Variants in MSRA observed in about 807,000 individuals in gnomAD.
MSRA encodes the protein methionine sulfoxide reductase A.
Under a neutral mutation model 31.3 loss-of-function variants are expected in MSRA, and 54 were observed. The ratio of observed to expected loss-of-function variants is 1.73; its 90% CI spans 1.39 to 2.17. The LOEUF is 2.17. Among genes scored for constraint, MSRA ranks in the 30% most tolerant of loss-of-function variants. The pLI is 0.00. For missense variants in MSRA, 507 were observed against 300.9 expected, an observed-to-expected ratio of 1.69 and a Z score of -5.07; for synonymous variants, 169 against 116.5, an observed-to-expected ratio of 1.45 and a Z score of -2.90.
intron 1 of MSRA, among the ~76,000 whole-genome samples, chr8:10,064,477 A>G (rs1016365846): frequency 6.6e-6 from 1 of 152,158 alleles, no homozygotes; most frequent in South Asian, 2.1e-4. Flanking sequence ...AACTTGTTGA[A>G]CAAGTATATT....
chr8:10,158,862 G>A (rs1400732050), intron 1 of MSRA, among the ~76,000 whole-genome samples: 1 of 152,160 alleles, frequency 6.6e-6, no homozygotes, highest in Non-Finnish European at 1.5e-5. Flanking sequence ...GAGGATTCCA[G>A]TTTATCCACA....
chr8:10,283,907 G>A (rs1020643054), intron 3 of MSRA, among the ~76,000 whole-genome samples: 33 of 146,266 alleles, frequency 2.3e-4, no homozygotes, highest in Non-Finnish European at 3.7e-4. Context: ...ATTGATTGAT[G>A]GGCATTTGGA....
chr8:10,167,897 A>G (rs908280119), intron 1 of MSRA, among the ~76,000 whole-genome samples: 1 of 152,180 alleles, frequency 6.6e-6, no homozygotes, highest in African/African-American at 2.4e-5. Context: ...AGAAGGCCCT[A>G]TACCCTGATG....
chr8:10,116,364 CT>C (rs1800677641), intron 1 of MSRA, among the ~76,000 whole-genome samples: 2 of 152,222 alleles, frequency 1.3e-5, no homozygotes, highest in Admixed American at 6.5e-5. Context: ...TGGACACCCC[CT>C]GGACTATAGT....
intron 5 of MSRA, among the ~76,000 whole-genome samples, chr8:10,341,539 A>G (rs1803427502): frequency 6.6e-6 from 1 of 152,184 alleles, no homozygotes; most frequent in Non-Finnish European, 1.5e-5. Context: ...GGGCAGGGAC[A>G]TATATTTAAA....
intron 1 of MSRA, among the ~76,000 whole-genome samples, chr8:10,181,407 C>G (rs1280321587): frequency 2.0e-5 from 3 of 148,344 alleles, no homozygotes; most frequent in Non-Finnish European, 4.4e-5. Flanking sequence ...CTTGTGCACA[C>G]GTACCCTAAA....
intron 3 of MSRA, among the ~76,000 whole-genome samples, chr8:10,283,828 T>TACACACACACACACAC (rs1289199754): frequency 1.5e-5 from 1 of 68,552 alleles, no homozygotes; most frequent in Non-Finnish European, 2.8e-5. Flanking sequence ...TATATATATA[T>TACACACACACACACAC]ATATATATAC....
At chr8:10,198,480 C>G (rs1482444505) in intron 1 of MSRA, among the ~76,000 whole-genome samples, 1 of 152,146 alleles carries the variant, frequency 6.6e-6, no homozygotes, top group Non-Finnish European at 1.5e-5. Context: ...TGGGGTCATT[C>G]AGCTTATTTA....
intron 2 of MSRA, among the ~76,000 whole-genome samples, chr8:10,244,592 T>C (rs1353788990): frequency 1.3e-5 from 2 of 152,186 alleles, no homozygotes; most frequent in African/African-American, 4.8e-5. Flanking sequence ...TTATAGTGAT[T>C]AAAAAAATGA....
intron 5 of MSRA, among the ~76,000 whole-genome samples, chr8:10,338,382 C>G (rs1803195316): frequency 6.6e-6 from 1 of 152,116 alleles, no homozygotes; most frequent in Admixed American, 6.5e-5. Flanking sequence ...TCAAAGGGTG[C>G]AGAGTTTCAG....
At chr8:10,078,429 C>T (rs893285150) in intron 1 of MSRA, among the ~76,000 whole-genome samples, 2 of 152,232 alleles carry the variant, frequency 1.3e-5, no homozygotes, top group Admixed American at 6.5e-5. Context: ...ACCCTTGGCG[C>T]AGCCCCGTTC....
At chr8:10,080,053 T>A (rs965709223) in intron 1 of MSRA, among the ~76,000 whole-genome samples, 3 of 152,230 alleles carry the variant, frequency 2.0e-5, no homozygotes, top group Non-Finnish European at 2.9e-5. Flanking sequence ...ATTAGAACTC[T>A]AAGCCACGCT....
chr8:10,322,292 C>T (rs571544162), intron 5 of MSRA, among the ~76,000 whole-genome samples: 2 of 149,420 alleles, frequency 1.3e-5, no homozygotes, highest in African/African-American at 4.9e-5. Context: ...AGAAGTAAGA[C>T]TGGATGCAGG....
intron 5 of MSRA, among the ~76,000 whole-genome samples, chr8:10,399,206 G>A (rs897707176): frequency 5.3e-5 from 8 of 152,306 alleles, no homozygotes; most frequent in African/African-American, 1.9e-4. Flanking sequence ...GTGAACAGAG[G>A]ACAATCTGTA....
rs961579739 is a variant in MSRA at position 10,108,794 on chromosome 8, A to T, written c.142+54136A>T. Among the ~76,000 whole-genome samples the T allele has an allele frequency of 2.7e-5, 4 of 147,744 alleles. No homozygotes were observed. The Admixed American group carries it at 2.8e-4, about 10-fold the overall frequency. On this transcript the variant is annotated intron_variant, in intron 1 of 5. Coordinates refer to ENST00000317173, the MANE Select transcript of MSRA (RefSeq NM_012331.5). Reference sequence around the variant, plus strand: ...ATGACTGGTGGTTGGTTGTCAAATGAGTTGTTGGGAAATTTTTTTTTTTTA... The same window carrying T: ...ATGACTGGTGGTTGGTTGTCAAATGTGTTGTTGGGAAATTTTTTTTTTTTA...
chr8:10,055,929 C>A (rs916411499), intron 1 of MSRA, among the ~76,000 whole-genome samples: 2 of 151,822 alleles, frequency 1.3e-5, no homozygotes, highest in African/African-American at 2.4e-5. Context: ...GCTACTCAGC[C>A]GTAAAAGTTT....
intron 3 of MSRA, among the ~76,000 whole-genome samples, chr8:10,248,772 G>T (rs892240229): frequency 2.0e-5 from 3 of 152,196 alleles, no homozygotes; most frequent in Middle Eastern, 3.2e-3. Flanking sequence ...TCACTAATGG[G>T]GCTGTTCATG....
At chr8:10,366,826 T>C (rs1585597550) in intron 5 of MSRA, among the ~76,000 whole-genome samples, 1 of 152,150 alleles carries the variant, frequency 6.6e-6, no homozygotes, top group African/African-American at 2.4e-5. Flanking sequence ...TGAGATGACG[T>C]AGGACTTAAC....
At chr8:10,339,853 C>G (rs1221053634) in intron 5 of MSRA, among the ~76,000 whole-genome samples, 1 of 151,982 alleles carries the variant, frequency 6.6e-6, no homozygotes, top group African/African-American at 2.4e-5. Flanking sequence ...AAGGGGTTTT[C>G]AATACAGGCT....
Sources: allele counts gnomAD v4.1 joint callset (sites outside exome capture counted in the v4.1 genomes callset), GRCh38; gene constraint gnomAD v4.1.1; transcripts MANE v1.5; gene names NCBI Gene and HGNC (gene_info 2026-07-23, HGNC 2026-07-21).